CHFR: variants seen among roughly 807,000 people sequenced by gnomAD.
CHFR encodes checkpoint with forkhead and ring finger domains, also known as E3 ubiquitin-protein ligase CHFR.
CHFR carries 57 observed loss-of-function variants against 87.6 expected under a neutral mutation model. The observed-to-expected ratio is 0.65, with a 90% CI of 0.53 to 0.81. The LOEUF is 0.81. Ranked by LOEUF, CHFR falls within the 30% of genes least tolerant of loss-of-function variation. The pLI is 0.00. For missense variants in CHFR, 797 were observed against 865.8 expected (o/e 0.92, Z 1.00); for synonymous variants, 381 against 359.2 (o/e 1.06, Z -0.69).
chr12:132,844,272 A>G, intron 15 of CHFR, 138 bp from the exon 16 acceptor site: 1 of 610,824 alleles, frequency 1.6e-6, no homozygotes, highest in Admixed American at 2.4e-5. Context: ...AATAAGAACA[A>G]AGCCAATCTA....
rs1243175446 is a variant in CHFR at position 132,881,815 on chromosome 12, C to G, written c.134-4161G>C. Among the ~76,000 whole-genome samples, 4 of 147,202 alleles carry G rather than the reference C, an allele frequency of 2.7e-5. No individual in the cohort carries two copies. In the Admixed American group the frequency reaches 2.8e-4, roughly 10 times the overall value. On this transcript the variant is annotated intron_variant, in intron 2 of 17. Transcript: ENST00000450056. ...CCCGGGAGGCGGAGGTTGCAGTGAG[C>G]TGAGATTGCGCCACTGCAAATCCAG...
At chr12:132,878,833 G>GA (rs546357534) in intron 2 of CHFR, among the ~76,000 whole-genome samples, 24,255 of 113,986 alleles carry the variant, frequency 0.21, 2,238 homozygotes, top group South Asian at 0.31. Flanking sequence ...AAAAAAAAAA[G>GA]AAAAAAAAAA....
intron 16 of CHFR, 102 bp from the exon 17 acceptor site, chr12:132,843,185 A>C: frequency 1.0e-6 from 1 of 1,003,220 alleles, no homozygotes; most frequent in Non-Finnish European, 1.6e-6. Context: ...TGCGGTGGAA[A>C]CGCACGGCCT....
chr12:132,858,724 C>CT (rs1339958002), intron 8 of CHFR, among the ~76,000 whole-genome samples: 5 of 23,844 alleles, frequency 2.1e-4, no homozygotes, highest in African/African-American at 1.1e-3. Context: ...GAGACTCCAT[C>CT]TAAAAAAAAA....
intron 2 of CHFR, among the ~76,000 whole-genome samples, 180 bp from the exon 3 acceptor site, chr12:132,877,834 GC>G (rs199978810): frequency 0.041 from 6,257 of 151,266 alleles, 134 homozygotes; most frequent in African/African-American, 0.06. Context: ...ACGGAGTCTC[GC>G]TCTGTCGCCC....
At chr12:132,860,100 T>A (rs138313072) in intron 7 of CHFR, among the ~76,000 whole-genome samples, 48 of 152,304 alleles carry the variant, frequency 3.2e-4, no homozygotes, top group African/African-American at 1.1e-3. Context: ...TCACCCTCCG[T>A]CTCAGCCGCT....
chr12:132,866,594 AAG>A (rs1951345808), intron 6 of CHFR: 1 of 83,564 alleles, frequency 1.2e-5, no homozygotes, highest in African/African-American at 3.9e-5. Context: ...ACACACCAGA[AAG>A]TTACAACACA....
intron 2 of CHFR, among the ~76,000 whole-genome samples, chr12:132,885,118 AT>A (rs1951857382): frequency 1.3e-5 from 2 of 150,622 alleles, no homozygotes; most frequent in African/African-American, 4.9e-5. Context: ...AAAATAAAAA[AT>A]AAATTTCTGG....
intron 4 of CHFR, 39 bp from the exon 5 acceptor site, chr12:132,870,822 C>A: frequency 7.6e-7 from 1 of 1,323,716 alleles, no homozygotes; most frequent in Non-Finnish European, 1.1e-6. Context: ...GTGGTGGCCC[C>A]TGTGCAAACT....
rs1019182735 is a variant in CHFR, at chr12:132,833,329, T to C, written c.*8225A>G. On this transcript the variant is annotated 3_prime_UTR_variant, in exon 18 of 18. Transcript: ENST00000450056. ...GTCATTCATATTTATCGTAGCCTAC[T>C]GTCTGCAAGTACTATTCTAGGCACT... The C allele has an allele frequency of 6.6e-6, 1 of 152,292 alleles. No individual in the cohort carries two copies. Among genetic ancestry groups the C allele is most frequent in the African/African-American group, 2.4e-5 (1 of 41,480 alleles). The allele number at this position is 152,292 out of a possible 1,614,324, so 9.4% of individuals were successfully genotyped here.
chr12:132,846,745 T>A (rs1431479162), intron 15 of CHFR, among the ~76,000 whole-genome samples: 1 of 152,136 alleles, frequency 6.6e-6, no homozygotes, highest in Admixed American at 6.5e-5. Flanking sequence ...CTGGGTGTGG[T>A]GGCACATGCC....
At chr12:132,885,487 T>C (rs991394171) in intron 2 of CHFR, among the ~76,000 whole-genome samples, 18 of 152,102 alleles carry the variant, frequency 1.2e-4, no homozygotes, top group African/African-American at 4.1e-4. Context: ...CAGAATGTAG[T>C]ATTTTGCTAT....
intron 8 of CHFR, 25 bp from the exon 9 acceptor site, chr12:132,857,584 C>T (rs1566185859): frequency 6.2e-7 from 1 of 1,609,142 alleles, no homozygotes; most frequent in Non-Finnish European, 8.5e-7. Context: ...GGAACAGTGT[C>T]CAGACAGTCC....
At chr12:132,884,836 T>C (rs1322989252) in intron 2 of CHFR, among the ~76,000 whole-genome samples, 1 of 152,010 alleles carries the variant, frequency 6.6e-6, no homozygotes, top group Non-Finnish European at 1.5e-5. Flanking sequence ...CCTGTAATCC[T>C]AGCACTTTGA....
At chr12:132,868,629 G>A (rs1196101566) in intron 6 of CHFR, among the ~76,000 whole-genome samples, 1 of 152,260 alleles carries the variant, frequency 6.6e-6, no homozygotes, top group African/African-American at 2.4e-5. Context: ...GCAGTGAGCC[G>A]AGATCGCACC....
chr12:132,869,624 C>G lies in CHFR; in HGVS notation c.578G>C (p.Ser193Thr). Reference protein sequence around the residue: ...PSPAGRERSSSCGSGGGGISP... With the variant: ...PSPAGRERSSTCGSGGGGISP... The stretch of plus-strand genomic sequence containing the variant: ...CTCATGAGATGTGACCTCACCACAA[C>G]TGGAGGAACGCTCTCGCCCTGCAGG... Residue 193 changes from serine to threonine, a missense_variant, in exon 6 of 18, where the codon AGT becomes ACT. By Grantham distance (58) the Ser-to-Thr change is moderately conservative. This residue lies in a region of CHFR where 597 missense variants were observed against 601.2 expected (regional missense o/e 0.99). Coordinates refer to ENST00000450056, the MANE Select transcript of CHFR (RefSeq NM_001161346.2). The G allele has an allele frequency of 1.9e-6, 3 of 1,551,576 alleles. 1 individual carries two copies. The South Asian group carries it at 3.6e-5, about 18-fold the overall frequency.
chr12:132,847,769 C>A (rs1287760617), intron 14 of CHFR: 3 of 1,246,504 alleles, frequency 2.4e-6, no homozygotes, highest in Non-Finnish European at 3.0e-6. Flanking sequence ...AAGGGCGGCA[C>A]CTTCAAGAAG....
intron 12 of CHFR, among the ~76,000 whole-genome samples, chr12:132,850,895 C>T (rs1016875527): frequency 2.7e-5 from 4 of 150,924 alleles, no homozygotes; most frequent in Non-Finnish European, 1.5e-5. Flanking sequence ...GACATTTCTG[C>T]AGGAATACAT....
chr12:132,866,479 G>A (rs1198386651), intron 6 of CHFR: 1 of 151,642 alleles, frequency 6.6e-6, no homozygotes, highest in Non-Finnish European at 1.5e-5. Flanking sequence ...ACACCAGAAT[G>A]TTACAACACA....
Sources: allele counts gnomAD v4.1 joint callset (sites outside exome capture counted in the v4.1 genomes callset), GRCh38; gene constraint gnomAD v4.1.1; regional missense constraint gnomAD v4.1.1; transcripts MANE v1.5; gene names NCBI Gene and HGNC (gene_info 2026-07-23, HGNC 2026-07-21).